Variants in KLHL5 observed in about 807,000 individuals in gnomAD.
KLHL5 encodes kelch like family member 5, also known as kelch-like protein 5.
A neutral mutation model predicts 77.7 loss-of-function variants in KLHL5; 48 were observed. The ratio of observed to expected loss-of-function variants is 0.62; its 90% confidence interval spans 0.49 to 0.79. KLHL5 has a LOEUF of 0.79. Among genes scored for constraint, KLHL5 ranks in the 30% least tolerant of loss-of-function variants. The pLI, the probability that KLHL5 is intolerant of heterozygous loss-of-function variation, is 0.00. For synonymous variants in KLHL5, 260 were observed against 297.0 expected, an observed-to-expected ratio of 0.88 and a Z score of 1.28; for missense variants, 723 against 859.7, an observed-to-expected ratio of 0.84 and a Z score of 1.99.
rs1290615042 is a variant in KLHL5 at position 39,122,587 on chromosome 4, C to T, written c.*1521C>T. On this transcript the variant is annotated 3_prime_UTR_variant, in exon 11 of 11. Coordinates refer to ENST00000504108, the MANE Select transcript of KLHL5 (RefSeq NM_015990.5). ...TTGGGAGGCTGAGGTGGGCGGATCA[C>T]GAGGTCAGGAGATGGAGACCATCCT... is the stretch of plus-strand genomic sequence containing the variant. 6.6e-6 allele frequency among the ~76,000 whole-genome samples: 1 copy of T among 151,974 alleles called. No homozygotes were observed. Among genetic ancestry groups the T allele is most frequent in the South Asian group, 2.1e-4 (1 of 4,824 alleles).
intron 4 of KLHL5, among the ~76,000 whole-genome samples, chr4:39,084,974 A>C (rs1273780919): frequency 2.0e-5 from 3 of 152,180 alleles, no homozygotes; most frequent in African/African-American, 7.2e-5. Flanking sequence ...TGTAAATAAT[A>C]ATACAGAGAA....
chr4:39,090,210 G>C (rs190586413), intron 5 of KLHL5, among the ~76,000 whole-genome samples: 58 of 152,160 alleles, frequency 3.8e-4, no homozygotes, highest in African/African-American at 1.3e-3. Context: ...TAAAAATTGG[G>C]ATTAGGTCTG....
At chr4:39,052,763 G>T (rs936806806) in intron 1 of KLHL5, among the ~76,000 whole-genome samples, 1 of 152,146 alleles carries the variant, frequency 6.6e-6, no homozygotes, top group Non-Finnish European at 1.5e-5. Context: ...TCCGTGCTCC[G>T]CAGGAGTTTA....
Position 39,123,679 on chromosome 4 carries a change from A to G in KLHL5, c.*2613A>G, listed in dbSNP as rs1175951637. 6.6e-6 allele frequency among the ~76,000 whole-genome samples: 1 copy of G among 152,108 alleles called. No individual in the cohort carries two copies. Among genetic ancestry groups the G allele is most frequent in the Non-Finnish European group, 1.5e-5 (1 of 68,008 alleles). ...TCCAACACCCTTTCATGGTAAAAACACTCTGCAAACTAGGAAGAAAAGGGA... is the reference window on the plus strand; with the variant it reads ...TCCAACACCCTTTCATGGTAAAAACGCTCTGCAAACTAGGAAGAAAAGGGA... On this transcript the variant is annotated 3_prime_UTR_variant, in exon 11 of 11. Transcript: ENST00000504108.
the KLHL5 span, among the ~76,000 whole-genome samples, chr4:39,133,247 G>C: frequency 0.53 from 80,177 of 151,856 alleles, 21,730 homozygotes; most frequent in Non-Finnish European, 0.59. Flanking sequence ...ATAGTTAATG[G>C]TATTTAGCAC....
intron 5 of KLHL5, 145 bp downstream of exon 5, chr4:39,086,872 G>T: frequency 1.8e-6 from 1 of 550,276 alleles, no homozygotes. Flanking sequence ...CAGAAGATCT[G>T]GCTACTTAAA....
At chr4:39,107,791 C>A in intron 8 of KLHL5, 60 bp downstream of exon 8, 2 of 1,286,484 alleles carry the variant, frequency 1.6e-6, no homozygotes, top group Non-Finnish European at 2.1e-6. Context: ...TAAGCTATAT[C>A]ATTTCTAATT....
intron 1 of KLHL5, among the ~76,000 whole-genome samples, chr4:39,064,111 A>AT (rs1717677337): frequency 1.3e-5 from 2 of 152,136 alleles, no homozygotes; most frequent in South Asian, 4.1e-4. Context: ...GAATTTATAT[A>AT]TTTAAGTGTC....
chr4:39,052,308 G>C (rs981781963), intron 1 of KLHL5, among the ~76,000 whole-genome samples: 2 of 151,910 alleles, frequency 1.3e-5, no homozygotes, highest in Non-Finnish European at 2.9e-5. Context: ...TTTTACTAGA[G>C]ATGGGGTTTC....
Position 39,113,064 on chromosome 4 carries a change from C to G in KLHL5, c.1733C>G (p.Ser578Ter). The stretch of plus-strand genomic sequence containing the variant: ...CGTGATGGAAGTTCTTGTCTCAAAT[C>G]AGTAGAATGTTTTGATCCTCATACT... The part of the protein sequence containing the change: ...GGRDGSSCLK[S>*]VECFDPHTNK... The change falls in exon 9 of 11, where the codon TCA becomes TGA. Residue 578 changes from serine (S) to a stop codon, truncating the protein, a stop_gained. Transcript: ENST00000504108. LOFTEE classifies it high-confidence loss of function. 1 of 1,613,866 alleles carries G rather than the reference C, an allele frequency of 6.2e-7. No individual in the cohort carries two copies. Among genetic ancestry groups the G allele is most frequent in the Non-Finnish European group, 8.5e-7 (1 of 1,179,942 alleles).
chr4:39,086,113 A>G lies in KLHL5; in HGVS notation c.901-402A>G, dbSNP rs567855455. 2.2e-4 allele frequency among the ~76,000 whole-genome samples: 34 copies of G among 152,278 alleles called. 1 individual carries two copies. Among genetic ancestry groups the G allele is most frequent in the Admixed American group, 7.2e-4 (11 of 15,290 alleles). On this transcript the variant is annotated intron_variant, in intron 4 of 10. Coordinates refer to ENST00000504108, the MANE Select transcript of KLHL5 (RefSeq NM_015990.5). ...GGTATTTGGCTCCACTGCTGGCCGA[A>G]TTCTTCAGCACCCACAAATCCAAAC...
the KLHL5 span, among the ~76,000 whole-genome samples, chr4:39,137,569 C>G: frequency 6.6e-6 from 1 of 152,138 alleles, no homozygotes; most frequent in East Asian, 1.9e-4. Flanking sequence ...GCAGTGAACC[C>G]TGATCACGTT....
Position 39,076,066 on chromosome 4 carries a change from A to T in KLHL5, c.485A>T (p.Lys162Ile). The change falls in exon 2 of 11, where the codon AAA becomes ATA. Residue 162 changes from lysine to isoleucine, a missense_variant. This residue lies in a region of KLHL5 where 221 missense variants were observed against 222.1 expected (regional missense o/e 1.00). Coordinates refer to ENST00000504108, the MANE Select transcript of KLHL5 (RefSeq NM_015990.5). ...CTTAATCATGCCGAGCAAACATTTA[A>T]AAAAATGGAAAACTATTTGAGACAT... ...QALNHAEQTF[K>I]KMENYLRHKQ... 6.2e-7 allele frequency: 1 copy of T among 1,608,112 alleles called. No individual in the cohort carries two copies. Among genetic ancestry groups the T allele is most frequent in the Non-Finnish European group, 8.5e-7 (1 of 1,178,534 alleles).
rs532549030 is a variant in KLHL5, at chr4:39,064,253, G to T, written c.383+1218G>T. On this transcript the variant is annotated intron_variant, in intron 1 of 10. Coordinates refer to ENST00000504108, the MANE Select transcript of KLHL5 (RefSeq NM_015990.5). Reference sequence around the variant, plus strand: ...GAGAGAGGGGAATATCTGTATGTAGGTAAATAGTGTATTTAATTTAAATTT... The same window carrying T: ...GAGAGAGGGGAATATCTGTATGTAGTTAAATAGTGTATTTAATTTAAATTT... 1.8e-4 allele frequency among the ~76,000 whole-genome samples: 26 copies of T among 145,570 alleles called. No individual in the cohort carries two copies. In the South Asian group the frequency reaches 5.7e-3, roughly 32 times the overall value.
chr4:39,093,488 A>C, intron 5 of KLHL5: 1 of 453,150 alleles, frequency 2.2e-6, no homozygotes, highest in Non-Finnish European at 4.4e-6. Flanking sequence ...AAATTAGGAC[A>C]CGTAAAATAT....
chr4:39,133,415 G>A, the KLHL5 span, among the ~76,000 whole-genome samples: 2 of 151,908 alleles, frequency 1.3e-5, no homozygotes, highest in Non-Finnish European at 2.9e-5. Flanking sequence ...AATGTGATAA[G>A]TATTATTGGC....
chr4:39,074,471 A>G (rs1023137900), intron 1 of KLHL5, among the ~76,000 whole-genome samples: 3 of 152,222 alleles, frequency 2.0e-5, no homozygotes, highest in Admixed American at 6.5e-5. Context: ...TGGAAAAGCC[A>G]TACCTGTTCT....
chr4:39,074,414 A>G (rs902260291), intron 1 of KLHL5, among the ~76,000 whole-genome samples: 3 of 152,124 alleles, frequency 2.0e-5, no homozygotes, highest in Non-Finnish European at 2.9e-5. Context: ...TCCTTTTTCT[A>G]AGTCTTCAAT....
intron 6 of KLHL5, among the ~76,000 whole-genome samples, chr4:39,099,568 TTA>T (rs1464307875): frequency 2.6e-5 from 4 of 152,190 alleles, no homozygotes; most frequent in Non-Finnish European, 5.9e-5. Context: ...GCCAAACATT[TTA>T]TCCATATCCA....
Sources: allele counts gnomAD v4.1 joint callset (sites outside exome capture counted in the v4.1 genomes callset), GRCh38; gene constraint gnomAD v4.1.1; regional missense constraint gnomAD v4.1.1; transcripts MANE v1.5; gene names NCBI Gene and HGNC (gene_info 2026-07-23, HGNC 2026-07-21).